LAMB1: variants seen among roughly 807,000 people sequenced by gnomAD.
LAMB1 encodes the protein laminin subunit beta 1.
In LAMB1, 121 loss-of-function variants were observed where a neutral mutation model predicts 222.3. The observed-to-expected ratio is 0.54, with a 90% CI of 0.47 to 0.63. LAMB1 has a LOEUF of 0.63. LAMB1 is among the 30% of genes least tolerant of loss of function. The probability of loss-of-function intolerance (pLI) is 0.00; values close to 1 mark genes in which losing one functional copy is unlikely to be tolerated. For synonymous variants in LAMB1, 794 were observed against 807.2 expected, an observed-to-expected ratio of 0.98 and a Z score of 0.28; for missense variants, 2,172 against 2,240.8, an observed-to-expected ratio of 0.97 and a Z score of 0.62.
rs79075626 is a variant in LAMB1 at position 107,951,625 on chromosome 7, A to C, written c.3295-303T>G. Among the ~76,000 whole-genome samples the C allele has an allele frequency of 2.2e-4, 33 of 152,184 alleles. No individual in the cohort carries two copies. In the East Asian group the frequency reaches 6.2e-3, roughly 29 times the overall value. On this transcript the variant is annotated intron_variant, in intron 23 of 33. Coordinates refer to ENST00000222399, the MANE Select transcript of LAMB1 (RefSeq NM_002291.3). ...GGGCCACCTTTGACTCGCCTGACTTAGGGAGTATGCCCTCCTTAGCATGTG... is the reference window on the plus strand; with the variant it reads ...GGGCCACCTTTGACTCGCCTGACTTCGGGAGTATGCCCTCCTTAGCATGTG...
At chr7:107,941,717 C>T (rs751289881) in intron 24 of LAMB1, among the ~76,000 whole-genome samples, 11 of 149,424 alleles carry the variant, frequency 7.4e-5, no homozygotes, top group Non-Finnish European at 7.4e-5. Flanking sequence ...TACAATGGCG[C>T]GATCTCGGCT....
chr7:107,962,802 C>G, intron 15 of LAMB1, 103 bp downstream of exon 15: 1 of 910,320 alleles, frequency 1.1e-6, no homozygotes, highest in South Asian at 1.9e-5. Context: ...TGTTCTAATG[C>G]AACCTCCATA....
rs755423167 is a variant in LAMB1 at position 107,959,823 on chromosome 7, C to T, written c.2326G>A (p.Asp776Asn). Residue 776 changes from aspartate to asparagine, a missense_variant, in exon 19 of 34, where the codon GAC (aspartate) becomes AAC (asparagine). Asp to Asn is a conservative substitution (Grantham distance 23). Coordinates refer to ENST00000222399, the MANE Select transcript of LAMB1 (RefSeq NM_002291.3). ...ACGGAACTTAACGAACCCTGAGGGT[C>T]GCATTCACAAGCTGTGGGTAAAGAG... ...LHQTGLACEC[D>N]PQGSLSSVCD... The T allele has an allele frequency of 3.1e-6, 5 of 1,612,876 alleles. No homozygotes were observed. Among genetic ancestry groups the T allele is most frequent in the South Asian group, 1.1e-5 (1 of 90,776 alleles).
chr7:107,935,927 A>G (rs1168037579), intron 26 of LAMB1, among the ~76,000 whole-genome samples: 1 of 152,244 alleles, frequency 6.6e-6, no homozygotes, highest in Non-Finnish European at 1.5e-5. Flanking sequence ...GCAAACATCC[A>G]GTTCTTTATA....
At chr7:107,982,436 G>C (rs1255311846) in intron 7 of LAMB1, among the ~76,000 whole-genome samples, 1 of 152,174 alleles carries the variant, frequency 6.6e-6, no homozygotes, top group Non-Finnish European at 1.5e-5. Context: ...TATAGAAATG[G>C]CTGCGGGTAG....
In LAMB1 at chr7:107,931,307, G is replaced by T. The variant is rs757351036; in HGVS notation, c.4537+49C>A. On this transcript the variant is annotated intron_variant, in intron 29 of 33. Transcript: ENST00000222399. ...GGATTTTATCTAAAATGTAAACAGAGAATCACACAGAAACAAATGTCTAAA... is the reference window on the plus strand; with the variant it reads ...GGATTTTATCTAAAATGTAAACAGATAATCACACAGAAACAAATGTCTAAA... The T allele has an allele frequency of 4.6e-6, 7 of 1,505,700 alleles. No homozygotes were observed. The Admixed American group carries it at 8.7e-5, about 19-fold the overall frequency. The allele number at this position is 1,505,700 out of a possible 1,614,324, so 93.3% of individuals were successfully genotyped here.
intron 24 of LAMB1, among the ~76,000 whole-genome samples, chr7:107,941,142 G>A (rs1407104219): frequency 3.9e-5 from 6 of 152,194 alleles, no homozygotes; most frequent in Non-Finnish European, 4.4e-5. Context: ...CTCATGCAAA[G>A]CCAAATGGCA....
chr7:107,997,606 G>A (rs1042647425), intron 4 of LAMB1, among the ~76,000 whole-genome samples: 2 of 152,052 alleles, frequency 1.3e-5, no homozygotes, highest in Admixed American at 1.3e-4. Context: ...CTTCTTTGAG[G>A]ATACTTATTT....
At chr7:107,995,945 G>C (rs1313867858) in intron 4 of LAMB1, among the ~76,000 whole-genome samples, 1 of 152,304 alleles carries the variant, frequency 6.6e-6, no homozygotes, top group East Asian at 1.9e-4. Context: ...AGTCAATTGA[G>C]GGGGCGGGGG....
chr7:107,939,368 T>C (rs1170244294), intron 25 of LAMB1, among the ~76,000 whole-genome samples: 3 of 152,146 alleles, frequency 2.0e-5, no homozygotes, highest in African/African-American at 7.2e-5. Context: ...TGAGGACTTT[T>C]CAGCATAGAG....
chr7:107,996,825 T>C (rs759156085), intron 4 of LAMB1, among the ~76,000 whole-genome samples: 1 of 152,238 alleles, frequency 6.6e-6, no homozygotes, highest in African/African-American at 2.4e-5. Flanking sequence ...CATCCTAATG[T>C]TGAGGCATCT....
intron 15 of LAMB1, among the ~76,000 whole-genome samples, chr7:107,962,373 A>G (rs1293364111): frequency 6.6e-6 from 1 of 152,238 alleles, no homozygotes; most frequent in Non-Finnish European, 1.5e-5. Flanking sequence ...AGCAAGGTTG[A>G]GTGCCTCACA....
chr7:107,981,734 T>C (rs1215392626), intron 7 of LAMB1, among the ~76,000 whole-genome samples: 1 of 152,178 alleles, frequency 6.6e-6, no homozygotes, highest in African/African-American at 2.4e-5. Context: ...AAAATTCCAT[T>C]CAGGTAGGAA....
In LAMB1 at chr7:107,960,695, A is replaced by G. The variant is rs755906234; in HGVS notation, c.2110-46T>C. 4 of 1,546,128 alleles carry G rather than the reference A, an allele frequency of 2.6e-6. No homozygotes were observed. In the South Asian group the frequency reaches 4.5e-5, roughly 17 times the overall value. On this transcript the variant is annotated intron_variant, in intron 17 of 33. Coordinates refer to ENST00000222399, the MANE Select transcript of LAMB1 (RefSeq NM_002291.3). ...CCAAACATCCTTACAGTGGTGCCCC[A>G]TGGCATGGGTTTAAGCAAGCAAACG...
chr7:107,973,105 G>C, intron 12 of LAMB1, 34 bp from the exon 13 acceptor site: 1 of 1,570,088 alleles, frequency 6.4e-7, no homozygotes, highest in Non-Finnish European at 8.8e-7. Context: ...GTAACGGTAG[G>C]TTTCTGTAAT....
Position 107,960,441 on chromosome 7 carries a change from C to T in LAMB1, c.2314+4G>A, listed in dbSNP as rs757382790. The T allele has an allele frequency of 1.5e-5, 24 of 1,612,084 alleles. No individual in the cohort carries two copies. In the South Asian group the frequency reaches 2.6e-4, roughly 18 times the overall value. ...AGCTGCTGCAGCTGCCCAGCAATAC[C>T]TACCCAGGCCTGTCTGGTGTAACAG... On this transcript the variant is annotated splice_donor_region_variant and intron_variant, in intron 18 of 33. Transcript: ENST00000222399.
intron 5 of LAMB1, among the ~76,000 whole-genome samples, chr7:107,989,524 T>C (rs1459571532): frequency 6.6e-6 from 1 of 152,214 alleles, no homozygotes; most frequent in Non-Finnish European, 1.5e-5. Context: ...TTTTGACAGA[T>C]TCTTTGACTT....
intron 26 of LAMB1, 33 bp from the exon 27 acceptor site, chr7:107,935,689 C>T (rs1451483599): frequency 2.5e-6 from 4 of 1,606,992 alleles, no homozygotes; most frequent in South Asian, 2.2e-5. Flanking sequence ...CCACAGTTAA[C>T]CTCATCATAC....
In LAMB1 at chr7:108,002,910, C is replaced by T. The variant is rs1002456872; in HGVS notation, c.-25G>A. 2.5e-6 allele frequency: 4 copies of T among 1,613,364 alleles called. No individual in the cohort carries two copies. In the African/African-American group the frequency reaches 4.0e-5, roughly 16 times the overall value. ...TGCCGGCTCCCTGCAGCCACGGGGA[C>T]GCGGCAGAGGAGTGGAGAAGACGCC... is the stretch of plus-strand genomic sequence containing the variant. On this transcript the variant is annotated 5_prime_UTR_variant, in exon 2 of 34. Coordinates refer to ENST00000222399, the MANE Select transcript of LAMB1 (RefSeq NM_002291.3).
Sources: allele counts gnomAD v4.1 joint callset (sites outside exome capture counted in the v4.1 genomes callset), GRCh38; gene constraint gnomAD v4.1.1; transcripts MANE v1.5; gene names NCBI Gene and HGNC (gene_info 2026-07-23, HGNC 2026-07-21).